SLIT3: variants seen among roughly 807,000 people sequenced by gnomAD.
The protein encoded by SLIT3 is slit homolog 3 protein.
A neutral mutation model predicts 184.0 loss-of-function variants in SLIT3; 68 were observed. The ratio of observed to expected loss-of-function variants is 0.37; its 90% confidence interval spans 0.30 to 0.45. SLIT3 has a LOEUF of 0.45. Ranked by LOEUF, SLIT3 falls within the 20% of genes least tolerant of loss-of-function variation. SLIT3 has a pLI of 1.00. For synonymous variants in SLIT3, 831 were observed against 828.6 expected, an observed-to-expected ratio of 1.00 and a Z score of -0.05; for missense variants, 1,707 against 2,026.0, an observed-to-expected ratio of 0.84 and a Z score of 3.02.
In SLIT3 at chr5:168,851,916, T is replaced by C. The variant is rs138057689; in HGVS notation, c.486-7261A>G. ...AAAAGGCTCCTCACTGCAGCTTCTG[T>C]AAAATGGGCTGTCTCTTTGCAAACA... On this transcript the variant is annotated intron_variant, in intron 5 of 35. Coordinates refer to ENST00000519560, the MANE Select transcript of SLIT3 (RefSeq NM_003062.4). 2.0e-5 allele frequency among the ~76,000 whole-genome samples: 3 copies of C among 152,308 alleles called. No individual in the cohort carries two copies. The East Asian group carries it at 5.8e-4, about 29-fold the overall frequency.
At chr5:168,815,113 A>C (rs144829894) in intron 8 of SLIT3, among the ~76,000 whole-genome samples, 1 of 152,356 alleles carries the variant, frequency 6.6e-6, no homozygotes, top group East Asian at 1.9e-4. Flanking sequence ...ACCTGGCTTC[A>C]TACTAAGAAG....
intron 4 of SLIT3, among the ~76,000 whole-genome samples, chr5:168,973,646 G>A (rs1483433937): frequency 1.3e-5 from 2 of 152,176 alleles, no homozygotes; most frequent in Admixed American, 6.5e-5. Flanking sequence ...TATATACACA[G>A]ATGTGTGCAA....
intron 1 of SLIT3, among the ~76,000 whole-genome samples, chr5:169,281,166 A>G (rs1364298147): frequency 2.0e-5 from 3 of 152,188 alleles, no homozygotes; most frequent in Non-Finnish European, 2.9e-5. Flanking sequence ...ATAGATTTGT[A>G]TATGTATTCC....
chr5:168,948,877 C>T (rs1762566194), intron 4 of SLIT3, among the ~76,000 whole-genome samples: 1 of 152,126 alleles, frequency 6.6e-6, no homozygotes, highest in Non-Finnish European at 1.5e-5. Context: ...ATTGTCAGGG[C>T]CTGGGATTTG....
intron 4 of SLIT3, among the ~76,000 whole-genome samples, chr5:168,965,956 C>T (rs979789299): frequency 2.5e-4 from 38 of 152,192 alleles, no homozygotes; most frequent in Admixed American, 2.0e-3. Flanking sequence ...AGCTGAGTAT[C>T]TCAACAAGGA....
chr5:168,873,371 C>G (rs74537978), intron 5 of SLIT3, among the ~76,000 whole-genome samples: 1 of 151,618 alleles, frequency 6.6e-6, no homozygotes, highest in African/African-American at 2.4e-5. Flanking sequence ...GACTCACACT[C>G]GTAATCCCAG....
intron 4 of SLIT3, among the ~76,000 whole-genome samples, chr5:169,115,641 GA>G (rs1760636301): frequency 6.6e-6 from 1 of 152,124 alleles, no homozygotes; most frequent in African/African-American, 2.4e-5. Flanking sequence ...AACACACATT[GA>G]TTTAATGATG....
chr5:168,700,777 G>T (rs1327295608), intron 26 of SLIT3, 98 bp from the exon 27 acceptor site: 1 of 868,902 alleles, frequency 1.2e-6, no homozygotes, highest in Non-Finnish European at 1.9e-6. Flanking sequence ...CTGTGATGAG[G>T]CTGGGGAGAT....
intron 1 of SLIT3, among the ~76,000 whole-genome samples, chr5:169,261,208 G>A (rs1766162724): frequency 6.6e-6 from 1 of 151,554 alleles, no homozygotes; most frequent in Non-Finnish European, 1.5e-5. Flanking sequence ...GGTCGGGGGA[G>A]GCATCCAGGA....
At chr5:168,817,578 C>A (rs979479806) in intron 7 of SLIT3, 115 bp from the exon 8 acceptor site, 5 of 991,342 alleles carry the variant, frequency 5.0e-6, no homozygotes, top group Admixed American at 4.6e-5. Context: ...GTGAAAATCC[C>A]TAGGAGCCCA....
intron 4 of SLIT3, among the ~76,000 whole-genome samples, chr5:168,949,009 C>T (rs1193673276): frequency 1.3e-5 from 2 of 152,254 alleles, no homozygotes; most frequent in African/African-American, 4.8e-5. Context: ...CTGCAGAGGT[C>T]GTTAAAAACA....
At chr5:168,774,909 C>T (rs1271036694) in intron 12 of SLIT3, among the ~76,000 whole-genome samples, 1 of 152,136 alleles carries the variant, frequency 6.6e-6, no homozygotes, top group Non-Finnish European at 1.5e-5. Context: ...CATATGGATT[C>T]TCTGTCATAC....
At chr5:168,904,813 G>A (rs1461304480) in intron 4 of SLIT3, among the ~76,000 whole-genome samples, 1 of 152,144 alleles carries the variant, frequency 6.6e-6, no homozygotes, top group African/African-American at 2.4e-5. Context: ...GCTGCCACAG[G>A]AGTTCTAGAC....
chr5:168,848,224 A>C (rs2113721915), intron 5 of SLIT3, among the ~76,000 whole-genome samples: 1 of 152,358 alleles, frequency 6.6e-6, no homozygotes, highest in African/African-American at 2.4e-5. Context: ...TATGGAATAA[A>C]GCTCTAAGCC....
At chr5:169,292,133 G>A (rs1205639102) in intron 1 of SLIT3, among the ~76,000 whole-genome samples, 1 of 152,112 alleles carries the variant, frequency 6.6e-6, no homozygotes, top group African/African-American at 2.4e-5. Flanking sequence ...AAATGTGCCC[G>A]ATGCCAATGT....
intron 20 of SLIT3, among the ~76,000 whole-genome samples, chr5:168,727,645 G>T (rs940102810): frequency 6.6e-6 from 1 of 152,210 alleles, no homozygotes; most frequent in Non-Finnish European, 1.5e-5. Context: ...GCTTCCTCAG[G>T]CCTCTCATCT....
intron 5 of SLIT3, among the ~76,000 whole-genome samples, chr5:168,852,733 G>A (rs574200286): frequency 3.3e-5 from 5 of 152,114 alleles, no homozygotes; most frequent in Non-Finnish European, 5.9e-5. Context: ...TTGGCTACCT[G>A]TTTTTTTCTT....
intron 17 of SLIT3, 122 bp downstream of exon 17, chr5:168,753,742 G>T: frequency 8.6e-7 from 1 of 1,161,770 alleles, no homozygotes; most frequent in Admixed American, 2.2e-5. Context: ...ACTCCAGGAA[G>T]AGAGGGATTC....
At position 169,006,758 on chromosome 5, in the gene SLIT3, T is replaced by C. The variant is rs1196136634; in HGVS notation, c.414-123422A>G. Among the ~76,000 whole-genome samples, 3 of 152,178 alleles carry C rather than the reference T, an allele frequency of 2.0e-5. No homozygotes were observed. The East Asian group carries it at 5.8e-4, about 29-fold the overall frequency. On this transcript the variant is annotated intron_variant, in intron 4 of 35. Coordinates refer to ENST00000519560, the MANE Select transcript of SLIT3 (RefSeq NM_003062.4). ...CTTTTCCTCCCCAAAGTTCCCTAAATGAGAGACTGCTTTACCAGGAAGCCT... is the reference window on the plus strand; with the variant it reads ...CTTTTCCTCCCCAAAGTTCCCTAAACGAGAGACTGCTTTACCAGGAAGCCT...
Sources: allele counts gnomAD v4.1 joint callset (sites outside exome capture counted in the v4.1 genomes callset), GRCh38; gene constraint gnomAD v4.1.1; transcripts MANE v1.5; gene names NCBI Gene and HGNC (gene_info 2026-07-23, HGNC 2026-07-21).